CDH13: variants seen among roughly 807,000 people sequenced by gnomAD.
CDH13 encodes the protein cadherin 13.
CDH13 carries 24 observed loss-of-function variants against 63.8 expected under a neutral mutation model. The ratio of observed to expected loss-of-function variants is 0.38; its 90% CI spans 0.27 to 0.53. The LOEUF is 0.53. CDH13 is among the 20% of genes least tolerant of loss of function. The probability of loss-of-function intolerance (pLI) is 0.85; values close to 1 mark genes in which losing one functional copy is unlikely to be tolerated. For missense variants in CDH13, 1,049 were observed against 903.1 expected, an observed-to-expected ratio of 1.16 and a Z score of -2.07; for synonymous variants, 503 against 355.3, an observed-to-expected ratio of 1.42 and a Z score of -4.67.
chr16:83,323,031 G>T (rs1002647826), intron 5 of CDH13, among the ~76,000 whole-genome samples: 1 of 151,920 alleles, frequency 6.6e-6, no homozygotes, highest in South Asian at 2.1e-4. Flanking sequence ...CCTGTAGGGG[G>T]CCACAGGTTA....
At chr16:83,013,178 A>G (rs1342377133) in intron 2 of CDH13, among the ~76,000 whole-genome samples, 1 of 152,258 alleles carries the variant, frequency 6.6e-6, no homozygotes, top group Non-Finnish European at 1.5e-5. Flanking sequence ...ATTCTGTTGC[A>G]ACTATCCAAC....
At chr16:83,712,979 A>G (rs895716175) in intron 10 of CDH13, among the ~76,000 whole-genome samples, 6 of 152,262 alleles carry the variant, frequency 3.9e-5, no homozygotes, top group Admixed American at 2.6e-4. Flanking sequence ...AAGAAATGTT[A>G]AGGTGGAGAG....
chr16:82,832,164 A>G (rs2038568747), intron 1 of CDH13, among the ~76,000 whole-genome samples: 1 of 152,236 alleles, frequency 6.6e-6, no homozygotes, highest in Non-Finnish European at 1.5e-5. Flanking sequence ...TTAAGAGTCA[A>G]GGAGACATTT....
intron 7 of CDH13, among the ~76,000 whole-genome samples, chr16:83,510,616 G>A (rs1056390900): frequency 6.6e-6 from 1 of 152,124 alleles, no homozygotes; most frequent in African/African-American, 2.4e-5. Context: ...ATCTACCCCT[G>A]GACAGGAGAC....
intron 1 of CDH13, among the ~76,000 whole-genome samples, chr16:82,640,527 G>C (rs189618469): frequency 6.6e-6 from 1 of 152,258 alleles, no homozygotes; most frequent in African/African-American, 2.4e-5. Context: ...CAGCCGATAT[G>C]TAAATGAATG....
At chr16:83,015,847 G>C (rs973520551) in intron 2 of CDH13, among the ~76,000 whole-genome samples, 1 of 151,214 alleles carries the variant, frequency 6.6e-6, no homozygotes. Context: ...TCCCATGTAA[G>C]AATTATTCAA....
At chr16:83,728,168 C>G (rs1032374510) in intron 10 of CDH13, among the ~76,000 whole-genome samples, 1 of 152,146 alleles carries the variant, frequency 6.6e-6, no homozygotes. Flanking sequence ...CACACCACGT[C>G]TCTGTCTCAG....
At position 82,673,095 on chromosome 16, in the gene CDH13, G is replaced by T. The variant is rs373193113; in HGVS notation, c.45+45958G>T. On this transcript the variant is annotated intron_variant, in intron 1 of 13. Transcript: ENST00000567109. ...GGGCTCAAGCAATCTTTCCACCTTG[G>T]CCTTACAGAATGCTGGGATTATAGG... Among the ~76,000 whole-genome samples, 11 of 134,696 alleles carry T rather than the reference G, an allele frequency of 8.2e-5. No individual in the cohort carries two copies. In the South Asian group the frequency reaches 2.6e-3, roughly 32 times the overall value. 88.4% of individuals were successfully genotyped at this position (134,696 alleles called of 152,430 possible).
intron 3 of CDH13, among the ~76,000 whole-genome samples, chr16:83,118,830 G>A (rs181055086): frequency 6.6e-6 from 1 of 152,118 alleles, no homozygotes; most frequent in African/African-American, 2.4e-5. Flanking sequence ...TGTAACTGCT[G>A]ATTCCTCTCA....
At chr16:83,172,886 T>C (rs911546825) in intron 4 of CDH13, among the ~76,000 whole-genome samples, 11 of 152,258 alleles carry the variant, frequency 7.2e-5, no homozygotes, top group Middle Eastern at 3.4e-3. Context: ...GCACTAAAAA[T>C]TCTCATTTCA....
chr16:83,679,744 C>G (rs1195269971), intron 10 of CDH13, among the ~76,000 whole-genome samples: 2 of 152,146 alleles, frequency 1.3e-5, no homozygotes, highest in Non-Finnish European at 2.9e-5. Context: ...GGTAGTTGGA[C>G]AAAGGTAGGA....
chr16:82,864,269 G>C (rs1480084326), intron 2 of CDH13, among the ~76,000 whole-genome samples: 1 of 152,164 alleles, frequency 6.6e-6, no homozygotes, highest in East Asian at 1.9e-4. Flanking sequence ...TGTCCATGTT[G>C]ACAAAAGAGA....
At chr16:83,310,214 G>C (rs866540070) in intron 5 of CDH13, among the ~76,000 whole-genome samples, 5 of 152,176 alleles carry the variant, frequency 3.3e-5, no homozygotes, top group Admixed American at 6.5e-5. Context: ...TGAAAGACTA[G>C]TTATGTCTGT....
At chr16:82,994,715 T>A (rs1195393909) in intron 2 of CDH13, among the ~76,000 whole-genome samples, 1 of 152,194 alleles carries the variant, frequency 6.6e-6, no homozygotes, top group East Asian at 1.9e-4. Context: ...ATACCTACGT[T>A]GATAGTATTC....
At chr16:83,072,050 G>A (rs1257085539) in intron 3 of CDH13, among the ~76,000 whole-genome samples, 1 of 152,006 alleles carries the variant, frequency 6.6e-6, no homozygotes, top group Non-Finnish European at 1.5e-5. Flanking sequence ...TAATTTAATA[G>A]TATATTTTAT....
At position 82,675,972 on chromosome 16, in the gene CDH13, G is replaced by A. The variant is rs995988916; in HGVS notation, c.45+48835G>A. Among the ~76,000 whole-genome samples, 3 of 152,332 alleles carry A rather than the reference G, an allele frequency of 2.0e-5. No homozygotes were observed. The Middle Eastern group carries it at 0.01, about 518-fold the overall frequency. On this transcript the variant is annotated intron_variant, in intron 1 of 13. Coordinates refer to ENST00000567109, the MANE Select transcript of CDH13 (RefSeq NM_001257.5). ...TGCCTCCCTGTGAACCTGCTTCCCT[G>A]GAGGGTATGCTCAAACTCAATTCCC...
At chr16:83,296,181 A>G (rs898237797) in intron 5 of CDH13, among the ~76,000 whole-genome samples, 4 of 152,128 alleles carry the variant, frequency 2.6e-5, no homozygotes, top group African/African-American at 9.7e-5. Context: ...TAATTTTCAG[A>G]TACACTTTTC....
chr16:83,326,857 G>C (rs2090374267), intron 5 of CDH13, among the ~76,000 whole-genome samples: 1 of 152,140 alleles, frequency 6.6e-6, no homozygotes, highest in African/African-American at 2.4e-5. Context: ...GTACTCCTAA[G>C]CCCAGAACCT....
chr16:83,138,435 AAG>A (rs2151670410), intron 4 of CDH13, among the ~76,000 whole-genome samples: 1 of 152,298 alleles, frequency 6.6e-6, no homozygotes, highest in South Asian at 2.1e-4. Context: ...AAGGACGCCT[AAG>A]AGCAGGCAAC....
Sources: allele counts gnomAD v4.1 joint callset (sites outside exome capture counted in the v4.1 genomes callset), GRCh38; gene constraint gnomAD v4.1.1; transcripts MANE v1.5; gene names NCBI Gene and HGNC (gene_info 2026-07-23, HGNC 2026-07-21).